Variants in CSMD1 observed in about 807,000 individuals in gnomAD.
CSMD1 encodes CUB and Sushi multiple domains 1.
A neutral mutation model predicts 417.5 loss-of-function variants in CSMD1; 213 were observed. The ratio of observed to expected loss-of-function variants is 0.51; its 90% CI spans 0.46 to 0.57. CSMD1 has a LOEUF of 0.57. Ranked by LOEUF, CSMD1 falls within the 20% of genes least tolerant of loss-of-function variation. CSMD1 has a pLI of 0.00. For missense variants in CSMD1, 6,923 were observed against 4,529.7 expected (o/e 1.53, Z -15.17); for synonymous variants, 2,862 against 1,736.8 (o/e 1.65, Z -16.11).
At chr8:3,087,590 G>C (rs557238989) in intron 48 of CSMD1, among the ~76,000 whole-genome samples, 2 of 152,346 alleles carry the variant, frequency 1.3e-5, no homozygotes, top group Non-Finnish European at 1.5e-5. Flanking sequence ...ACTGGAAGAA[G>C]AATTGTCTTG....
intron 3 of CSMD1, among the ~76,000 whole-genome samples, chr8:4,295,904 T>C (rs991273552): frequency 1.3e-5 from 2 of 151,228 alleles, no homozygotes; most frequent in Non-Finnish European, 2.9e-5. Context: ...CATTGCCTGC[T>C]TCACTAATTA....
intron 3 of CSMD1, among the ~76,000 whole-genome samples, chr8:4,164,326 A>G (rs1797333963): frequency 6.6e-6 from 1 of 152,202 alleles, no homozygotes; most frequent in African/African-American, 2.4e-5. Context: ...ATTTAAAAAC[A>G]TATCTAAATA....
chr8:2,972,222 T>A lies in CSMD1; in HGVS notation c.8923+895A>T, dbSNP rs147241154. 4.1e-3 allele frequency among the ~76,000 whole-genome samples: 623 copies of A among 152,288 alleles called. 3 individuals are homozygous for A. Among genetic ancestry groups the A allele is most frequent in the African/African-American group, 0.014 (589 of 41,570 alleles). ...ACAATAAAGGCAGAAGTGGAGACAG[T>A]ATAGTCAAGGACAATAAATGAAGAT... is the stretch of plus-strand genomic sequence containing the variant. On this transcript the variant is annotated intron_variant, in intron 57 of 69. Transcript: ENST00000635120.
At chr8:4,925,545 TTTC>T (rs1378072141) in intron 1 of CSMD1, among the ~76,000 whole-genome samples, 3 of 150,318 alleles carry the variant, frequency 2.0e-5, no homozygotes, top group Non-Finnish European at 4.4e-5. Context: ...TTCTTTTTTT[TTTC>T]TTTTTTCTTT....
At chr8:4,346,658 T>C (rs1390029398) in intron 3 of CSMD1, among the ~76,000 whole-genome samples, 1 of 152,192 alleles carries the variant, frequency 6.6e-6, no homozygotes, top group Non-Finnish European at 1.5e-5. Flanking sequence ...TCATTGCAAT[T>C]TTGAATTTTT....
intron 3 of CSMD1, among the ~76,000 whole-genome samples, chr8:4,208,107 C>G (rs1800090329): frequency 1.3e-5 from 2 of 152,078 alleles, no homozygotes; most frequent in African/African-American, 4.8e-5. Flanking sequence ...TCAGGACAAG[C>G]AATTTCATAC....
chr8:3,285,287 G>C (rs1362536876), intron 25 of CSMD1, among the ~76,000 whole-genome samples: 1 of 152,156 alleles, frequency 6.6e-6, no homozygotes, highest in Non-Finnish European at 1.5e-5. Flanking sequence ...GGAATGTGTG[G>C]TGTATTTTTA....
At chr8:4,042,423 C>T (rs1023112188) in intron 3 of CSMD1, among the ~76,000 whole-genome samples, 1 of 152,080 alleles carries the variant, frequency 6.6e-6, no homozygotes, top group African/African-American at 2.4e-5. Context: ...AGCAAAACAA[C>T]CATCAATCTA....
chr8:4,883,051 C>T (rs1376536742), intron 1 of CSMD1, among the ~76,000 whole-genome samples: 1 of 152,026 alleles, frequency 6.6e-6, no homozygotes, highest in Non-Finnish European at 1.5e-5. Flanking sequence ...CGTTAGAGTG[C>T]TATGGATTAC....
chr8:2,964,342 C>G (rs1338643562), intron 59 of CSMD1, among the ~76,000 whole-genome samples: 2 of 152,226 alleles, frequency 1.3e-5, no homozygotes, highest in African/African-American at 4.8e-5. Context: ...ACTCGTTCAA[C>G]AAATCCTTCC....
chr8:3,947,003 T>C (rs946208478), intron 5 of CSMD1, among the ~76,000 whole-genome samples: 2 of 152,188 alleles, frequency 1.3e-5, no homozygotes, highest in African/African-American at 2.4e-5. Context: ...TTGGATCTCA[T>C]ATTTCTAATC....
rs1316050549 is a variant in CSMD1 at position 3,839,501 on chromosome 8, T to TATTA, written c.819-85460_819-85459insTAAT. Among the ~76,000 whole-genome samples the TATTA allele has an allele frequency of 7.1e-4, 43 of 60,960 alleles. No homozygotes were observed. In the East Asian group the frequency reaches 0.032, roughly 45 times the overall value. 40.0% of individuals were successfully genotyped at this position (60,960 alleles called of 152,430 possible). On this transcript the variant is annotated intron_variant, in intron 5 of 69. Transcript: ENST00000635120. Reference sequence around the variant, plus strand: ...TATATTATATATTTATATATTAATATATATATTTATATAGAATATAAATAT... The same window carrying TATTA: ...TATATTATATATTTATATATTAATATATTAATATATTTATATAGAATATAAATAT...
At chr8:3,671,340 G>A (rs928411225) in intron 7 of CSMD1, among the ~76,000 whole-genome samples, 5 of 147,714 alleles carry the variant, frequency 3.4e-5, no homozygotes, top group Non-Finnish European at 7.5e-5. Context: ...ATTATTACAT[G>A]CTGTATTGTA....
At chr8:4,715,026 C>T (rs1334424205) in intron 1 of CSMD1, among the ~76,000 whole-genome samples, 1 of 152,098 alleles carries the variant, frequency 6.6e-6, no homozygotes, top group Non-Finnish European at 1.5e-5. Flanking sequence ...TTTAACATTT[C>T]AAGCATTTTT....
At chr8:3,307,577 T>G (rs1804974538) in intron 25 of CSMD1, 118 bp downstream of exon 25, 3 of 1,208,354 alleles carry the variant, frequency 2.5e-6, no homozygotes, top group Admixed American at 2.3e-5. Flanking sequence ...CAGCTTTACC[T>G]TTTCTTCTTT....
chr8:4,568,670 G>C lies in CSMD1; in HGVS notation c.302+68672C>G, dbSNP rs148620843. 5.1e-3 allele frequency among the ~76,000 whole-genome samples: 772 copies of C among 152,112 alleles called. 7 individuals are homozygous for C. The highest frequency in any genetic ancestry group is 0.018 in the African/African-American group (741 of 41,500). On this transcript the variant is annotated intron_variant, in intron 2 of 69. Transcript: ENST00000635120. ...ATTGCTGGGTCAAATGGTATTTCTG[G>C]TTCTAGATCCTTTAGGAATTGCCAC...
intron 21 of CSMD1, 36 bp from the exon 22 acceptor site, chr8:3,348,197 A>G: frequency 6.4e-7 from 1 of 1,554,454 alleles, no homozygotes. Flanking sequence ...AGAGGATTCA[A>G]AAGTGGAATT....
In CSMD1 at chr8:4,375,395, T is replaced by C. The variant is rs553653098; in HGVS notation, c.415+44558A>G. Among the ~76,000 whole-genome samples the C allele has an allele frequency of 1.2e-3, 189 of 152,262 alleles. 2 individuals carry two copies. The highest frequency in any genetic ancestry group is 4.4e-3 in the African/African-American group (181 of 41,564). ...CTTTTGAGAGGAAAACAGGGCATTATATTTTGGAATAATGAGCACAAGCAT... is the reference window on the plus strand; with the variant it reads ...CTTTTGAGAGGAAAACAGGGCATTACATTTTGGAATAATGAGCACAAGCAT... On this transcript the variant is annotated intron_variant, in intron 3 of 69. Coordinates refer to ENST00000635120, the MANE Select transcript of CSMD1 (RefSeq NM_033225.6).
At chr8:3,246,786 A>T (rs1197707539) in intron 26 of CSMD1, among the ~76,000 whole-genome samples, 1 of 152,060 alleles carries the variant, frequency 6.6e-6, no homozygotes, top group African/African-American at 2.4e-5. Context: ...TTATTTTCTT[A>T]ATCATCAATA....
Sources: allele counts gnomAD v4.1 joint callset (sites outside exome capture counted in the v4.1 genomes callset), GRCh38; gene constraint gnomAD v4.1.1; transcripts MANE v1.5; gene names NCBI Gene and HGNC (gene_info 2026-07-23, HGNC 2026-07-21).